The following IQGAP1 variants were observed in gnomAD, a reference collection of about 807,000 sequenced individuals.
IQGAP1 encodes the protein IQ motif containing GTPase activating protein 1, also known as ras GTPase-activating-like protein IQGAP1.
In IQGAP1, 66 loss-of-function variants were observed where a neutral mutation model predicts 215.6. That is an observed-to-expected ratio of 0.31 (90% confidence interval 0.25 to 0.38). The LOEUF (loss-of-function observed/expected upper bound fraction) is 0.38. Among genes scored for constraint, IQGAP1 ranks in the 10% least tolerant of loss-of-function variants. The pLI is 1.00. For missense variants in IQGAP1, 1,712 were observed against 1,997.1 expected, an observed-to-expected ratio of 0.86 and a Z score of 2.72; for synonymous variants, 772 against 728.7, an observed-to-expected ratio of 1.06 and a Z score of -0.96.
Position 90,466,017 on chromosome 15 carries a change from C to A in IQGAP1, c.1793C>A (p.Ser598Ter). The A allele has an allele frequency of 1.2e-6, 2 of 1,613,960 alleles. No homozygotes were observed. Among genetic ancestry groups the A allele is most frequent in the South Asian group, 2.2e-5 (2 of 91,052 alleles). The change falls in exon 16 of 38, where the codon TCA (serine) becomes TAA (stop). Residue 598 changes from serine to a stop codon, truncating the protein, a stop_gained. Coordinates refer to ENST00000268182, the MANE Select transcript of IQGAP1 (RefSeq NM_003870.4). LOFTEE classifies it high-confidence loss of function. ...REKAQEIQDE[S>*]AVLWLDEIQG... ...GATATGTAGGAAATCCAGGATGAGT[C>A]AGCTGTGTTATGGTTGGATGAAATT...
chr15:90,428,936 C>G (rs1279355979), intron 3 of IQGAP1, among the ~76,000 whole-genome samples: 1 of 152,122 alleles, frequency 6.6e-6, no homozygotes, highest in Non-Finnish European at 1.5e-5. Context: ...TCACTGCAAC[C>G]TCTGCCTCCC....
chr15:90,453,135 A>C lies in IQGAP1; in HGVS notation c.1330A>C (p.Asn444His), dbSNP rs1161934227. Residue 444 changes from asparagine to histidine, a missense_variant, in exon 13 of 38, where the codon AAT becomes CAT. By Grantham distance (68) the Asn-to-His change is moderately conservative (BLOSUM62 1). Around this residue, in one of 2 missense-constraint regions of IQGAP1, gnomAD observed 1,021 missense variants for 1,074.2 expected, o/e 0.95. Coordinates refer to ENST00000268182, the MANE Select transcript of IQGAP1 (RefSeq NM_003870.4). The stretch of plus-strand genomic sequence containing the variant: ...CCTTCTGTCCCTTTCTGTACAGCAT[A>C]ATCTCACCCACCCAGAGCTCTCTGT... ...ATLQRQSPEH[N>H]LTHPELSVAV... 1 of 1,610,300 alleles carries C rather than the reference A, an allele frequency of 6.2e-7. No individual in the cohort carries two copies. The highest frequency in any genetic ancestry group is 1.1e-5 in the South Asian group (1 of 90,274).
At chr15:90,420,236 T>C (rs1270436016) in intron 2 of IQGAP1, among the ~76,000 whole-genome samples, 2 of 152,182 alleles carry the variant, frequency 1.3e-5, no homozygotes, top group African/African-American at 2.4e-5. Context: ...TGACAAACCT[T>C]GGAAGATCCT....
rs963485476 is a variant in IQGAP1, at chr15:90,487,523, C to T, written c.4189C>T (p.Arg1397Trp). Residue 1397 changes from arginine to tryptophan, a missense_variant, in exon 33 of 38, where the codon CGG (arginine) becomes TGG (tryptophan). Coordinates refer to ENST00000268182, the MANE Select transcript of IQGAP1 (RefSeq NM_003870.4). The part of the protein sequence containing the change: ...NTKRLIVDVI[R>W]FQPGETLTEI... ...AAAACGTTTAATTGTGGATGTCATC[C>T]GGTTCCAGCCAGGAGAGACCTTGAC... The T allele has an allele frequency of 5.0e-6, 8 of 1,613,854 alleles. No homozygotes were observed. The highest frequency in any genetic ancestry group is 1.6e-4 in the Middle Eastern group (1 of 6,082).
At chr15:90,446,391 G>C (rs1262762788) in intron 9 of IQGAP1, among the ~76,000 whole-genome samples, 1 of 152,162 alleles carries the variant, frequency 6.6e-6, no homozygotes, top group East Asian at 1.9e-4. Context: ...GGGGAAGATA[G>C]ACATACAAAT....
At chr15:90,481,891 A>C in intron 26 of IQGAP1, 69 bp from the exon 27 acceptor site, 1 of 1,526,298 alleles carries the variant, frequency 6.6e-7, no homozygotes, top group Middle Eastern at 1.7e-4. Flanking sequence ...TATGAAAGAT[A>C]AGACACTTGC....
chr15:90,462,746 A>G (rs896449124), intron 15 of IQGAP1, among the ~76,000 whole-genome samples: 13 of 151,898 alleles, frequency 8.6e-5, no homozygotes, highest in African/African-American at 2.7e-4. Context: ...TCTACCTCCA[A>G]TCATTGCCCA....
intron 2 of IQGAP1, among the ~76,000 whole-genome samples, chr15:90,423,949 G>T (rs929432605): frequency 6.6e-6 from 1 of 152,078 alleles, no homozygotes; most frequent in African/African-American, 2.4e-5. Context: ...TCTGATTCAA[G>T]GCAAAAGTAT....
intron 3 of IQGAP1, 113 bp from the exon 4 acceptor site, chr15:90,429,476 C>A: frequency 1.3e-6 from 1 of 750,210 alleles, no homozygotes; most frequent in Non-Finnish European, 2.1e-6. Context: ...ATAATGACAT[C>A]AAAATTAAGG....
intron 35 of IQGAP1, chr15:90,494,474 A>G (rs1378911342): frequency 1.4e-5 from 4 of 285,656 alleles, no homozygotes; most frequent in Non-Finnish European, 2.6e-5. Context: ...TGTTAAATTC[A>G]TGGGAGTGTT....
At chr15:90,394,579 C>T (rs1311599607) in intron 2 of IQGAP1, among the ~76,000 whole-genome samples, 1 of 152,124 alleles carries the variant, frequency 6.6e-6, no homozygotes, top group African/African-American at 2.4e-5. Flanking sequence ...GGTGAACCGG[C>T]CTGTATCTTG....
At chr15:90,468,290 C>T (rs1339161183) in intron 18 of IQGAP1, among the ~76,000 whole-genome samples, 1 of 152,162 alleles carries the variant, frequency 6.6e-6, no homozygotes, top group Non-Finnish European at 1.5e-5. Flanking sequence ...GTCTTGAACT[C>T]CTGGCCTCAA....
At chr15:90,466,184 T>C in intron 16 of IQGAP1, 85 bp from the exon 17 acceptor site, 1 of 1,573,628 alleles carries the variant, frequency 6.4e-7, no homozygotes, top group African/African-American at 1.4e-5. Context: ...GGGGAACAAT[T>C]TGCCAGTAGA....
intron 15 of IQGAP1, among the ~76,000 whole-genome samples, 162 bp downstream of exon 15, chr15:90,456,477 C>A (rs1567132565): frequency 6.6e-6 from 1 of 152,190 alleles, no homozygotes; most frequent in Non-Finnish European, 1.5e-5. Context: ...GACATAGGCT[C>A]CACCTACTAG....
intron 33 of IQGAP1, among the ~76,000 whole-genome samples, chr15:90,487,801 T>A (rs1008648544): frequency 1.3e-5 from 2 of 152,176 alleles, no homozygotes; most frequent in Admixed American, 6.5e-5. Flanking sequence ...GGCACTTGCA[T>A]GCAGAATCAT....
At chr15:90,410,000 G>GT (rs1381015901) in intron 2 of IQGAP1, among the ~76,000 whole-genome samples, 1 of 152,238 alleles carries the variant, frequency 6.6e-6, no homozygotes, top group South Asian at 2.1e-4. Flanking sequence ...AGGGTTGTTT[G>GT]TTTTTTTCTT....
intron 1 of IQGAP1, among the ~76,000 whole-genome samples, chr15:90,388,857 TA>T: frequency 6.6e-6 from 1 of 152,140 alleles, no homozygotes; most frequent in Non-Finnish European, 1.5e-5. Context: ...GGTCCCAGGC[TA>T]GCTACGAGGT....
In IQGAP1 at chr15:90,439,359, C is replaced by T. The variant is rs771749303; in HGVS notation, c.495C>T (p.Ala165=). 6.2e-7 allele frequency: 1 copy of T among 1,613,086 alleles called. No individual in the cohort carries two copies. The highest frequency in any genetic ancestry group is 1.1e-5 in the South Asian group (1 of 91,012). ...TGTACCTGTTCAAGCTAGGCCTGGC[C>T]CCTCAGATTCAAGACCTATATGGAA... The part of the protein sequence containing the change: ...LSLYLFKLGL[A]PQIQDLYGKV... Residue 165 remains alanine, a synonymous_variant, in exon 6 of 38, where the codon GCC becomes GCT. Coordinates refer to ENST00000268182, the MANE Select transcript of IQGAP1 (RefSeq NM_003870.4).
At chr15:90,424,045 T>G (rs1965186060) in intron 2 of IQGAP1, among the ~76,000 whole-genome samples, 1 of 151,858 alleles carries the variant, frequency 6.6e-6, no homozygotes, top group South Asian at 2.1e-4. Context: ...TTTTTGGTAC[T>G]GTTACGTGCT....
Sources: allele counts gnomAD v4.1 joint callset (sites outside exome capture counted in the v4.1 genomes callset), GRCh38; gene constraint gnomAD v4.1.1; regional missense constraint gnomAD v4.1.1; transcripts MANE v1.5; gene names NCBI Gene and HGNC (gene_info 2026-07-23, HGNC 2026-07-21).